The following POU6F2 variants were observed in gnomAD, a reference collection of about 807,000 sequenced individuals.
The protein encoded by POU6F2 is POU class 6 homeobox 2.
POU6F2 carries 31 observed loss-of-function variants against 71.3 expected under a neutral mutation model. The ratio of observed to expected loss-of-function variants is 0.43; its 90% confidence interval spans 0.33 to 0.59. POU6F2 has a LOEUF of 0.59. POU6F2 is among the 20% of genes least tolerant of loss of function. POU6F2 has a pLI of 0.04. For synonymous variants in POU6F2, 347 were observed against 355.7 expected (o/e 0.98, Z 0.27); for missense variants, 783 against 856.8 (o/e 0.91, Z 1.07).
At chr7:39,283,201 T>C (rs945880585) in intron 4 of POU6F2, among the ~76,000 whole-genome samples, 114 of 152,268 alleles carry the variant, frequency 7.5e-4, no homozygotes, top group African/African-American at 2.5e-3. Context: ...AGTTTTTTTA[T>C]ATATAAGATT....
chr7:39,362,791 G>A (rs545571329), intron 5 of POU6F2, among the ~76,000 whole-genome samples: 1 of 152,158 alleles, frequency 6.6e-6, no homozygotes, highest in African/African-American at 2.4e-5. Flanking sequence ...TTTGATGTAG[G>A]TTAATCAGAG....
At chr7:39,218,476 G>A (rs1426181095) in intron 4 of POU6F2, among the ~76,000 whole-genome samples, 1 of 152,134 alleles carries the variant, frequency 6.6e-6, no homozygotes, top group Non-Finnish European at 1.5e-5. Context: ...AATTCTTGCA[G>A]GGTAGATTCC....
At chr7:39,305,682 C>G (rs1328775380) in intron 4 of POU6F2, among the ~76,000 whole-genome samples, 1 of 152,138 alleles carries the variant, frequency 6.6e-6, no homozygotes, top group Non-Finnish European at 1.5e-5. Context: ...TGTGCAATTC[C>G]AATGAGAACA....
intron 5 of POU6F2, among the ~76,000 whole-genome samples, chr7:39,402,591 T>G (rs577424228): frequency 6.6e-6 from 1 of 152,252 alleles, no homozygotes; most frequent in African/African-American, 2.4e-5. Context: ...AGGTAATGTC[T>G]TCTCTTGCTG....
At chr7:39,392,587 G>C (rs917476513) in intron 5 of POU6F2, among the ~76,000 whole-genome samples, 1 of 152,226 alleles carries the variant, frequency 6.6e-6, no homozygotes, top group Non-Finnish European at 1.5e-5. Flanking sequence ...GTGTGTATCA[G>C]AGGTTTTCGT....
chr7:39,201,683 A>G (rs538990669), intron 2 of POU6F2, among the ~76,000 whole-genome samples: 1 of 152,304 alleles, frequency 6.6e-6, no homozygotes, highest in Non-Finnish European at 1.5e-5. Flanking sequence ...GTCAGGAGGA[A>G]CCCACCCAAC....
intron 1 of POU6F2, among the ~76,000 whole-genome samples, chr7:39,023,215 T>C (rs573578544): frequency 1.6e-3 from 251 of 152,242 alleles, no homozygotes; most frequent in Non-Finnish European, 2.6e-3. Flanking sequence ...TTTGCAGGAA[T>C]TTAAAAATAT....
At chr7:39,291,115 A>G (rs1164715932) in intron 4 of POU6F2, among the ~76,000 whole-genome samples, 1 of 151,996 alleles carries the variant, frequency 6.6e-6, no homozygotes, top group Non-Finnish European at 1.5e-5. Context: ...GTGGATATAA[A>G]TTTGGGTTAC....
chr7:39,211,498 G>T (rs1280089745), intron 4 of POU6F2, among the ~76,000 whole-genome samples: 1 of 152,150 alleles, frequency 6.6e-6, no homozygotes, highest in Non-Finnish European at 1.5e-5. Context: ...TGAAAGTTTT[G>T]CTTTGCTGAT....
intron 2 of POU6F2, among the ~76,000 whole-genome samples, chr7:39,137,735 A>G (rs562273380): frequency 1.3e-5 from 2 of 152,158 alleles, no homozygotes; most frequent in Admixed American, 6.5e-5. Flanking sequence ...CCCCAATAGC[A>G]TTACTCTTTA....
intron 1 of POU6F2, among the ~76,000 whole-genome samples, chr7:39,012,555 C>T (rs375067636): frequency 9.2e-5 from 14 of 151,886 alleles, no homozygotes; most frequent in Non-Finnish European, 1.3e-4. Context: ...AGCTTTGTTC[C>T]GTTGCTGGTG....
chr7:39,271,881 AT>A (rs1170502238), intron 4 of POU6F2, among the ~76,000 whole-genome samples: 9 of 151,262 alleles, frequency 5.9e-5, no homozygotes, highest in African/African-American at 2.2e-4. Flanking sequence ...AGCAAAATCA[AT>A]TTTCTGCAGA....
intron 2 of POU6F2, among the ~76,000 whole-genome samples, chr7:39,116,299 C>T (rs1296568545): frequency 6.6e-6 from 1 of 152,102 alleles, no homozygotes. Context: ...GTGGGAGGAT[C>T]TCTTGAGCCT....
intron 3 of POU6F2, 144 bp from the exon 4 acceptor site, chr7:39,207,244 CCAAT>C: frequency 4.5e-6 from 3 of 667,848 alleles, no homozygotes; most frequent in Non-Finnish European, 7.0e-6. Flanking sequence ...TTTTTTTCTA[CCAAT>C]CATTTTTTTT....
intron 4 of POU6F2, among the ~76,000 whole-genome samples, chr7:39,335,733 C>T (rs1272979062): frequency 1.3e-5 from 2 of 152,232 alleles, no homozygotes; most frequent in African/African-American, 4.8e-5. Context: ...CTGTGAAGCA[C>T]TGTCTTACTT....
intron 4 of POU6F2, among the ~76,000 whole-genome samples, chr7:39,218,654 C>T (rs1794290033): frequency 6.6e-6 from 1 of 152,052 alleles, no homozygotes; most frequent in African/African-American, 2.4e-5. Context: ...AGTTAGGAAA[C>T]CATTGCAGGA....
At chr7:39,019,892 G>C (rs899707362) in intron 1 of POU6F2, among the ~76,000 whole-genome samples, 7 of 152,072 alleles carry the variant, frequency 4.6e-5, no homozygotes, top group Non-Finnish European at 1.0e-4. Flanking sequence ...CAGCATCAGA[G>C]AATCAATGTA....
rs116425564 is a variant in POU6F2, at chr7:39,364,044, C to T, written c.972+24029C>T. Among the ~76,000 whole-genome samples the T allele has an allele frequency of 6.5e-4, 99 of 152,124 alleles. No individual in the cohort carries two copies. The Middle Eastern group carries it at 0.01, about 16-fold the overall frequency. ...CAGAAACTTCCTATTTATATCTTAG[C>T]GGTAGAGATCCCGTAGAGGGAGGAA... On this transcript the variant is annotated intron_variant, in intron 5 of 9. Transcript: ENST00000518318.
At chr7:39,083,306 C>A (rs1260875306) in intron 1 of POU6F2, among the ~76,000 whole-genome samples, 1 of 152,100 alleles carries the variant, frequency 6.6e-6, no homozygotes, top group African/African-American at 2.4e-5. Context: ...CTCAGATGAG[C>A]AGTACAGTGA....
Sources: gnomAD v4.1 joint callset for allele counts (sites outside exome capture counted in the v4.1 genomes callset) on GRCh38, gnomAD v4.1.1 for gene constraint, MANE v1.5 for transcripts, NCBI Gene and HGNC (gene_info 2026-07-23, HGNC 2026-07-21) for gene names.